The following NEK5 variants were observed in gnomAD, a reference collection of about 807,000 sequenced individuals.
The protein encoded by NEK5 is serine/threonine-protein kinase Nek5.
A neutral mutation model predicts 109.2 loss-of-function variants in NEK5; 88 were observed. The observed-to-expected ratio is 0.81, with a 90% confidence interval of 0.68 to 0.96. The LOEUF is 0.96. NEK5 is among the 40% of genes least tolerant of loss of function. The pLI, the probability that NEK5 is intolerant of heterozygous loss-of-function variation, is 0.00. For synonymous variants in NEK5, 283 were observed against 299.9 expected (o/e 0.94, Z 0.58); for missense variants, 834 against 920.7 (o/e 0.91, Z 1.22).
In NEK5 at chr13:52,101,979, G is replaced by T; in HGVS notation, c.846C>A (p.Cys282Ter). 1 of 1,614,108 alleles carries T rather than the reference G, an allele frequency of 6.2e-7. No individual in the cohort carries two copies. The highest frequency in any genetic ancestry group is 8.5e-7 in the Non-Finnish European group (1 of 1,180,014). The part of the protein sequence containing the change: ...IQEEFSHMLI[C>*]RAGAPASRHA... ...GTCGAGAAGCTGGCGCTCCTGCTCT[G>T]CATATAAGCATGTGACTGAATTCTT... The change falls in exon 11 of 24, where the codon TGC (cysteine) becomes TGA (stop). Residue 282 changes from cysteine to a stop codon, truncating the protein, a stop_gained. Coordinates refer to ENST00000684899, the MANE Select transcript of NEK5 (RefSeq NM_001365552.1). LOFTEE classifies it high-confidence loss of function.
At chr13:52,080,265 T>TGG (rs1277484357) in intron 17 of NEK5, among the ~76,000 whole-genome samples, 12 of 104,186 alleles carry the variant, frequency 1.2e-4, no homozygotes, top group African/African-American at 3.6e-4. Context: ...GGGAGGGAGG[T>TGG]GGGGGGGGGT....
At chr13:52,089,868 C>T (rs535830128) in intron 13 of NEK5, among the ~76,000 whole-genome samples, 1 of 151,976 alleles carries the variant, frequency 6.6e-6, no homozygotes, top group African/African-American at 2.4e-5. Flanking sequence ...GTAATCCCAG[C>T]TACTGGGGAG....
intron 16 of NEK5, among the ~76,000 whole-genome samples, chr13:52,085,861 C>T (rs905095209): frequency 2.0e-5 from 3 of 152,136 alleles, no homozygotes; most frequent in Non-Finnish European, 4.4e-5. Context: ...TAGAACCTTA[C>T]CCTGCAGAGA....
rs1954366067 is a variant in NEK5, at chr13:52,037,025, T to G, written c.2422A>C (p.Thr808Pro). 1 of 985,058 alleles carries G rather than the reference T, an allele frequency of 1.0e-6. No homozygotes were observed. The highest frequency in any genetic ancestry group is 4.7e-5 in the South Asian group (1 of 21,278). 61.0% of individuals were successfully genotyped at this position (985,058 alleles called of 1,614,324 possible). ...ATACAAATGTGGTCATTAGATGTAG[T>G]AGAAATATTCTCCAAGCCCTCCCTT... Reference protein sequence around the residue: ...ELREGLENISTTSNDHICITD... With the variant: ...ELREGLENISPTSNDHICITD... Residue 808 changes from threonine to proline, a missense_variant, in exon 24 of 24, where the codon ACT (threonine) becomes CCT (proline). Physicochemically the swap from Thr to Pro is conservative, Grantham distance 38. Around this residue, in one of 2 missense-constraint regions of NEK5, gnomAD observed 57 missense variants for 96.0 expected, o/e 0.59. Transcript: ENST00000684899.
At position 52,061,851 on chromosome 13, in the gene NEK5, G is replaced by A. The variant is rs780496750; in HGVS notation, c.2078C>T (p.Thr693Met). The change falls in exon 22 of 24, where the codon ACG (threonine) becomes ATG (methionine). Residue 693 changes from threonine to methionine, a missense_variant. By Grantham distance (81) the Thr-to-Met change is moderately conservative (BLOSUM62 -1). This residue lies in a region of NEK5 where 777 missense variants were observed against 824.7 expected (regional missense o/e 0.94). Transcript: ENST00000684899. Reference protein sequence around the residue: ...LMSVLAAAHLTSSSFSADEEF... With the variant: ...LMSVLAAAHLMSSSFSADEEF... ...TTCATCGGCAGAAAATGAGCTACTCGTTAGATGTGCTGCTGCCAAAACACT... is the reference window on the plus strand; with the variant it reads ...TTCATCGGCAGAAAATGAGCTACTCATTAGATGTGCTGCTGCCAAAACACT... 1.4e-5 allele frequency: 14 copies of A among 985,674 alleles called. No individual in the cohort carries two copies. Among genetic ancestry groups the A allele is most frequent in the Non-Finnish European group, 1.7e-5 (14 of 829,898 alleles). The allele number at this position is 985,674 out of a possible 1,614,324, so 61.1% of individuals were successfully genotyped here. A position where few individuals can be genotyped will look rare whatever the true frequency, so the allele number is the denominator to read the frequency against.
intron 22 of NEK5, among the ~76,000 whole-genome samples, chr13:52,051,919 A>G (rs1203842693): frequency 6.6e-6 from 1 of 152,220 alleles, no homozygotes. Context: ...ACAGAAAGTC[A>G]TTCCTCTGCT....
intron 4 of NEK5, among the ~76,000 whole-genome samples, chr13:52,112,830 T>C (rs1019897601): frequency 7.9e-5 from 12 of 152,204 alleles, no homozygotes; most frequent in African/African-American, 2.7e-4. Flanking sequence ...GAAACTCTTA[T>C]AACTGACCTC....
At chr13:52,125,301 T>A (rs926011981) in intron 3 of NEK5, among the ~76,000 whole-genome samples, 1 of 152,206 alleles carries the variant, frequency 6.6e-6, no homozygotes, top group Non-Finnish European at 1.5e-5. Flanking sequence ...TGGTGGCTCA[T>A]GCCTGTAATC....
Position 52,036,062 on chromosome 13 carries a change from A to C in NEK5, c.*886T>G, listed in dbSNP as rs1954359202. 6.6e-6 allele frequency: 1 copy of C among 152,168 alleles called. No individual in the cohort carries two copies. The highest frequency in any genetic ancestry group is 2.1e-4 in the South Asian group (1 of 4,822). The allele number at this position is 152,168 out of a possible 1,614,324, so 9.4% of individuals were successfully genotyped here. ...AAATTGAACTCACTAGGCTAAAATT[A>C]AGTTGTTGGCAGGGCTGTGTTCCTT... On this transcript the variant is annotated 3_prime_UTR_variant, in exon 24 of 24. Transcript: ENST00000684899.
In NEK5 at chr13:52,086,154, A is replaced by C; in HGVS notation, c.1479+123T>G. The C allele has an allele frequency of 4.2e-6, 3 of 720,904 alleles. No individual in the cohort carries two copies. The South Asian group carries it at 4.8e-5, about 12-fold the overall frequency. 44.7% of individuals were successfully genotyped at this position (720,904 alleles called of 1,614,324 possible). ...AGCTTTCCTATTAAAAAAGAAGTCT[A>C]CATGATTATCTCTATGATAAAACTT... On this transcript the variant is annotated intron_variant, in intron 16 of 23. Coordinates refer to ENST00000684899, the MANE Select transcript of NEK5 (RefSeq NM_001365552.1).
intron 11 of NEK5, 101 bp from the exon 12 acceptor site, chr13:52,099,977 A>G (rs895932362): frequency 1.2e-6 from 1 of 867,732 alleles, no homozygotes; most frequent in Non-Finnish European, 1.7e-6. Flanking sequence ...TTCATAACAC[A>G]GTAAGTTTAC....
chr13:52,095,421 A>C (rs937175364), intron 12 of NEK5, among the ~76,000 whole-genome samples: 1 of 152,224 alleles, frequency 6.6e-6, no homozygotes, highest in Admixed American at 6.5e-5. Flanking sequence ...GGAATATCAG[A>C]GGTAGTTCCT....
intron 16 of NEK5, among the ~76,000 whole-genome samples, chr13:52,084,548 TA>T (rs1436821611): frequency 1.3e-5 from 2 of 152,062 alleles, no homozygotes; most frequent in Non-Finnish European, 2.9e-5. Context: ...TATTTTACTT[TA>T]TTTTTTTGAG....
chr13:52,094,074 T>C (rs1955352954), intron 12 of NEK5, among the ~76,000 whole-genome samples: 1 of 152,216 alleles, frequency 6.6e-6, no homozygotes, highest in Non-Finnish European at 1.5e-5. Flanking sequence ...ATAACAGCCA[T>C]GATGGGCATA....
chr13:52,093,413 A>T (rs1198946398), intron 12 of NEK5, among the ~76,000 whole-genome samples, 178 bp from the exon 13 acceptor site: 2 of 152,140 alleles, frequency 1.3e-5, no homozygotes, highest in Non-Finnish European at 2.9e-5. Flanking sequence ...TACAAAAATT[A>T]TCCAGGCATG....
At chr13:52,077,266 A>G (rs1954885453) in intron 17 of NEK5, among the ~76,000 whole-genome samples, 1 of 152,224 alleles carries the variant, frequency 6.6e-6, no homozygotes, top group South Asian at 2.1e-4. Flanking sequence ...TTCAGCCAAG[A>G]CAGAGTATCA....
intron 9 of NEK5, among the ~76,000 whole-genome samples, chr13:52,102,752 T>C (rs1955567455): frequency 6.6e-6 from 1 of 152,220 alleles, no homozygotes; most frequent in South Asian, 2.1e-4. Flanking sequence ...TCAACTAATC[T>C]TTCATGAGCA....
chr13:52,119,259 T>A, intron 4 of NEK5, 60 bp downstream of exon 4: 1 of 878,734 alleles, frequency 1.1e-6, no homozygotes, highest in Non-Finnish European at 1.7e-6. Flanking sequence ...CAAATCTTTT[T>A]ACATATGTCA....
chr13:52,098,261 C>CAAACAAATAAATAAAT, intron 12 of NEK5, among the ~76,000 whole-genome samples: 1 of 147,006 alleles, frequency 6.8e-6, no homozygotes, highest in African/African-American at 2.5e-5. Flanking sequence ...GACCCTCTTT[C>CAAACAAATAAATAAAT]AAATAAATAA....
Sources: allele counts gnomAD v4.1 joint callset (sites outside exome capture counted in the v4.1 genomes callset), GRCh38; gene constraint gnomAD v4.1.1; regional missense constraint gnomAD v4.1.1; transcripts MANE v1.5; gene names NCBI Gene and HGNC (gene_info 2026-07-23, HGNC 2026-07-21).